MARCHF10: variants seen among roughly 807,000 people sequenced by gnomAD.
MARCHF10 encodes the protein probable E3 ubiquitin-protein ligase MARCHF10.
Under a neutral mutation model 76.2 loss-of-function variants are expected in MARCHF10, and 64 were observed. The ratio of observed to expected loss-of-function variants is 0.84; its 90% confidence interval spans 0.69 to 1.03. The LOEUF (loss-of-function observed/expected upper bound fraction) is 1.03, where lower values mean the gene tolerates loss of function less well. Among genes scored for constraint, MARCHF10 ranks in the 50% least tolerant of loss-of-function variants. The pLI is 0.00. For missense variants in MARCHF10, 875 were observed against 958.0 expected (o/e 0.91, Z 1.14); for synonymous variants, 340 against 357.5 (o/e 0.95, Z 0.55).
intron 3 of MARCHF10, among the ~76,000 whole-genome samples, chr17:62,782,991 T>G (rs1243039398): frequency 6.6e-6 from 1 of 152,018 alleles, no homozygotes; most frequent in Non-Finnish European, 1.5e-5. Flanking sequence ...TGTGGAAAAT[T>G]TTGATTGTGT....
chr17:62,714,128 T>G (rs2090072865), intron 8 of MARCHF10, among the ~76,000 whole-genome samples: 1 of 152,212 alleles, frequency 6.6e-6, no homozygotes, highest in African/African-American at 2.4e-5. Context: ...GCCAGGCCTG[T>G]GCTTCACAGC....
At chr17:62,744,865 T>A (rs1051553107) in intron 4 of MARCHF10, among the ~76,000 whole-genome samples, 5 of 150,174 alleles carry the variant, frequency 3.3e-5, no homozygotes, top group African/African-American at 1.2e-4. Context: ...ATACAAAAAT[T>A]AGCTGGGCAT....
chr17:62,705,656 C>G, intron 9 of MARCHF10, 75 bp from the exon 10 acceptor site: 1 of 1,562,302 alleles, frequency 6.4e-7, no homozygotes, highest in East Asian at 2.2e-5. Flanking sequence ...ACCTCCTAGT[C>G]GCAGCAACGT....
chr17:62,737,369 A>T (rs2091319985), intron 5 of MARCHF10, 37 bp from the exon 6 acceptor site: 3 of 1,585,396 alleles, frequency 1.9e-6, no homozygotes, highest in Non-Finnish European at 2.6e-6. Context: ...GTTCCAGTAA[A>T]AGGGCCCATG....
chr17:62,795,386 A>C lies in MARCHF10; in HGVS notation c.90+6260T>G, dbSNP rs755035178. Among the ~76,000 whole-genome samples, 1,064 of 131,056 alleles carry C rather than the reference A, an allele frequency of 8.1e-3. 18 individuals are homozygous for C. The highest frequency in any genetic ancestry group is 0.014 in the Non-Finnish European group (824 of 60,936). 86.0% of individuals were successfully genotyped at this position (131,056 alleles called of 152,430 possible). A position where few individuals can be genotyped will look rare whatever the true frequency, so the allele number is the denominator to read the frequency against. ...AAAAAAAAAAAAAAAAAAAAAAAAGAAGCTAGGCAGCATGAAAATCCTTGA... is the reference window on the plus strand; with the variant it reads ...AAAAAAAAAAAAAAAAAAAAAAAAGCAGCTAGGCAGCATGAAAATCCTTGA... On this transcript the variant is annotated intron_variant, in intron 2 of 10. Coordinates refer to ENST00000311269, the MANE Select transcript of MARCHF10 (RefSeq NM_152598.4).
At chr17:62,709,154 A>G (rs1018579620) in intron 9 of MARCHF10, among the ~76,000 whole-genome samples, 8 of 152,188 alleles carry the variant, frequency 5.3e-5, no homozygotes, top group African/African-American at 1.9e-4. Flanking sequence ...AGGGCAGTGC[A>G]TGAATGGATG....
At chr17:62,797,584 C>T (rs2093006169) in intron 2 of MARCHF10, among the ~76,000 whole-genome samples, 1 of 152,186 alleles carries the variant, frequency 6.6e-6, no homozygotes, top group Non-Finnish European at 1.5e-5. Flanking sequence ...CTATGATCCT[C>T]ACCACCTTTG....
At chr17:62,735,855 T>C (rs1162262238) in intron 6 of MARCHF10, 76 bp downstream of exon 6, 13 of 1,386,768 alleles carry the variant, frequency 9.4e-6, no homozygotes, top group Non-Finnish European at 1.2e-5. Context: ...AAAATTCCCA[T>C]GGCTCTCTAA....
At chr17:62,799,153 G>C (rs1260614870) in intron 2 of MARCHF10, among the ~76,000 whole-genome samples, 1 of 152,134 alleles carries the variant, frequency 6.6e-6, no homozygotes, top group East Asian at 1.9e-4. Context: ...GTGTTGACGT[G>C]AGTCATCCTT....
chr17:62,780,149 C>T (rs1238717601), intron 3 of MARCHF10, among the ~76,000 whole-genome samples: 4 of 151,558 alleles, frequency 2.6e-5, no homozygotes, highest in African/African-American at 4.9e-5. Context: ...ACTGACCAGA[C>T]GTGCTCTTGA....
chr17:62,746,121 T>A (rs751772725), intron 4 of MARCHF10, among the ~76,000 whole-genome samples: 29 of 152,226 alleles, frequency 1.9e-4, no homozygotes, highest in Non-Finnish European at 3.8e-4. Flanking sequence ...AGGAAGGGAA[T>A]TAAAGTTCTT....
rs2091327006 is a variant in MARCHF10, at chr17:62,737,501, T to G, written c.536-169A>C. 17 of 639,722 alleles carry G rather than the reference T, an allele frequency of 2.7e-5. No homozygotes were observed. In the South Asian group the frequency reaches 3.4e-4, roughly 13 times the overall value. The allele number at this position is 639,722 out of a possible 1,614,324, so 39.6% of individuals were successfully genotyped here. A position where few individuals can be genotyped will look rare whatever the true frequency, so the allele number is the denominator to read the frequency against. On this transcript the variant is annotated intron_variant, in intron 5 of 10. Coordinates refer to ENST00000311269, the MANE Select transcript of MARCHF10 (RefSeq NM_152598.4). ...ACAAGAGGAGCAGAGCCCAGCAGGCTTCATTTTACTGCCCCGTATTCTCCT... is the reference window on the plus strand; with the variant it reads ...ACAAGAGGAGCAGAGCCCAGCAGGCGTCATTTTACTGCCCCGTATTCTCCT...
At chr17:62,789,924 A>G (rs2092814070) in intron 2 of MARCHF10, among the ~76,000 whole-genome samples, 1 of 152,164 alleles carries the variant, frequency 6.6e-6, no homozygotes, top group East Asian at 1.9e-4. Flanking sequence ...ACAGAGCAAG[A>G]GTCTGTCTCA....
At chr17:62,754,879 A>C (rs2091995851) in intron 4 of MARCHF10, among the ~76,000 whole-genome samples, 1 of 152,114 alleles carries the variant, frequency 6.6e-6, no homozygotes, top group South Asian at 2.1e-4. Context: ...TCTTCAGAAG[A>C]ATGTATTTGC....
chr17:62,801,694 A>G lies in MARCHF10; in HGVS notation c.42T>C (p.Asp14=), dbSNP rs1433673533. The part of the protein sequence containing the change: ...DARDRQKFFS[D]VQYLRDMQHK... ...GCTGCATGTCCCGCAGATACTGAAC[A>G]TCGCTGAAGAACTTCTGCCTGTCCC... Residue 14 remains aspartate, a synonymous_variant, in exon 2 of 11, where the codon GAT becomes GAC. Coordinates refer to ENST00000311269, the MANE Select transcript of MARCHF10 (RefSeq NM_152598.4). 6.2e-7 allele frequency: 1 copy of G among 1,614,094 alleles called. No individual in the cohort carries two copies. Among genetic ancestry groups the G allele is most frequent in the Non-Finnish European group, 8.5e-7 (1 of 1,180,042 alleles).
intron 3 of MARCHF10, among the ~76,000 whole-genome samples, chr17:62,785,777 T>C (rs555883034): frequency 6.6e-6 from 1 of 152,058 alleles, no homozygotes; most frequent in Non-Finnish European, 1.5e-5. Context: ...CATGAAAAAA[T>C]GCTCATCATC....
rs887327098 is a variant in MARCHF10, at chr17:62,773,996, A to C, written c.211-13990T>G. On this transcript the variant is annotated intron_variant, in intron 3 of 10. Transcript: ENST00000311269. ...ACAAAAGGACAAGAGAATTATTAAGAGGGTCAAGCACAGGACCTAGGCTGT... is the reference window on the plus strand; with the variant it reads ...ACAAAAGGACAAGAGAATTATTAAGCGGGTCAAGCACAGGACCTAGGCTGT... Among the ~76,000 whole-genome samples, 3 of 152,320 alleles carry C rather than the reference A, an allele frequency of 2.0e-5. No homozygotes were observed. In the South Asian group the frequency reaches 6.2e-4, roughly 32 times the overall value.
chr17:62,720,531 C>A (rs142315324), intron 8 of MARCHF10, among the ~76,000 whole-genome samples: 2 of 152,220 alleles, frequency 1.3e-5, no homozygotes, highest in African/African-American at 4.8e-5. Context: ...AGGTTAGGCT[C>A]TGGTTAAATA....
At chr17:62,705,385 T>C in intron 10 of MARCHF10, 154 bp downstream of exon 10, 3 of 1,537,186 alleles carry the variant, frequency 2.0e-6, no homozygotes. Flanking sequence ...CCTGATTGTT[T>C]GCTGCGGCTG....
Sources: gnomAD v4.1 joint callset for allele counts (sites outside exome capture counted in the v4.1 genomes callset) on GRCh38, gnomAD v4.1.1 for gene constraint, MANE v1.5 for transcripts, NCBI Gene and HGNC (gene_info 2026-07-23, HGNC 2026-07-21) for gene names.